ANKRD26: variants seen among roughly 807,000 people sequenced by gnomAD.
ANKRD26 encodes the protein ankyrin repeat domain 26.
A neutral mutation model predicts 208.7 loss-of-function variants in ANKRD26; 141 were observed. The ratio of observed to expected loss-of-function variants is 0.68; its 90% CI spans 0.59 to 0.78. ANKRD26 has a LOEUF of 0.78. Ranked by LOEUF, ANKRD26 falls within the 30% of genes least tolerant of loss-of-function variation. ANKRD26 has a pLI of 0.00. For missense variants in ANKRD26, 1,889 were observed against 1,938.7 expected, an observed-to-expected ratio of 0.97 and a Z score of 0.48; for synonymous variants, 636 against 660.4, an observed-to-expected ratio of 0.96 and a Z score of 0.57.
intron 4 of ANKRD26, among the ~76,000 whole-genome samples, chr10:26,997,786 G>C (rs1462845156): frequency 6.6e-6 from 1 of 152,194 alleles, no homozygotes; most frequent in Non-Finnish European, 1.5e-5. Context: ...AACCGCCACA[G>C]CTGTGGCTTG....
chr10:27,025,811 C>G (rs2053641806), intron 27 of ANKRD26, among the ~76,000 whole-genome samples: 1 of 152,142 alleles, frequency 6.6e-6, no homozygotes, highest in Admixed American at 6.5e-5. Context: ...GATTTCCAGC[C>G]CAGACCTCTT....
downstream of ANKRD26, among the ~76,000 whole-genome samples, chr10:26,987,367 A>T (rs941901293): frequency 1.3e-5 from 2 of 152,242 alleles, no homozygotes; most frequent in Non-Finnish European, 2.9e-5. Context: ...CCAACATGGC[A>T]CATGTATACA....
Position 27,079,165 on chromosome 10 carries a change from T to C in ANKRD26, c.741-4A>G, listed in dbSNP as rs532566778. 25 of 1,611,540 alleles carry C rather than the reference T, an allele frequency of 1.6e-5. 2 individuals are homozygous for C. Among genetic ancestry groups the C allele is most frequent in the Middle Eastern group, 1.6e-4 (1 of 6,080 alleles). ...AACACCCGGTTTGCCAGAAAGCCTTTAGAACAAAAATATAGAAAAATGAGT... is the reference window on the plus strand; with the variant it reads ...AACACCCGGTTTGCCAGAAAGCCTTCAGAACAAAAATATAGAAAAATGAGT... On this transcript the variant is annotated splice_region_variant and splice_polypyrimidine_tract_variant and intron_variant, in intron 6 of 33. Transcript: ENST00000376087.
intron 32 of ANKRD26, 89 bp downstream of exon 32, chr10:27,012,793 C>G (rs2053160388): frequency 7.6e-7 from 1 of 1,319,982 alleles, no homozygotes; most frequent in Non-Finnish European, 1.1e-6. Context: ...GCCTGGACAA[C>G]AGAGTAAAAC....
chr10:27,077,038 A>G, intron 9 of ANKRD26: 1 of 367,782 alleles, frequency 2.7e-6, no homozygotes, highest in Non-Finnish European at 5.0e-6. Flanking sequence ...AGAAAAGGAC[A>G]TAACAAAAAA....
chr10:27,047,713 CTACTACTACTAA>C (rs1476957681), intron 17 of ANKRD26, among the ~76,000 whole-genome samples: 3 of 97,284 alleles, frequency 3.1e-5, no homozygotes, highest in East Asian at 2.6e-4. Flanking sequence ...ACTACTACTA[CTACTACTACTAA>C]TAATAATAAT....
At chr10:26,970,163 T>G (rs114779068), downstream of ANKRD26, among the ~76,000 whole-genome samples, 1 of 152,036 alleles carries the variant, frequency 6.6e-6, no homozygotes, top group African/African-American at 2.4e-5. Flanking sequence ...ACTAGATAAT[T>G]GTAAAGTACA....
downstream of ANKRD26, among the ~76,000 whole-genome samples, chr10:27,001,363 C>T (rs1469403915): frequency 6.6e-6 from 1 of 152,076 alleles, no homozygotes; most frequent in African/African-American, 2.4e-5. Flanking sequence ...TGCGGACACA[C>T]AAGGGGTGAG....
chr10:27,054,332 C>T (rs1220331113), intron 15 of ANKRD26, among the ~76,000 whole-genome samples: 1 of 152,102 alleles, frequency 6.6e-6, no homozygotes, highest in Non-Finnish European at 1.5e-5. Context: ...CATCTGTAAT[C>T]CCAGCACTTT....
At chr10:27,058,399 G>A (rs1564398663) in intron 15 of ANKRD26, among the ~76,000 whole-genome samples, 1 of 152,164 alleles carries the variant, frequency 6.6e-6, no homozygotes, top group Non-Finnish European at 1.5e-5. Context: ...AACATCATAA[G>A]CTAATGGTTC....
chr10:27,070,038 T>C lies in ANKRD26; in HGVS notation c.1078-2752A>G, dbSNP rs913326889. 3.3e-5 allele frequency among the ~76,000 whole-genome samples: 5 copies of C among 149,660 alleles called. No homozygotes were observed. The East Asian group carries it at 9.9e-4, about 30-fold the overall frequency. Reference sequence around the variant, plus strand: ...AAGCTGAAGCCAGACCCAGAAGATTTAAGCTTCAGTGAGCCTTGATCATGC... The same window carrying C: ...AAGCTGAAGCCAGACCCAGAAGATTCAAGCTTCAGTGAGCCTTGATCATGC... On this transcript the variant is annotated intron_variant, in intron 9 of 33. Transcript: ENST00000376087.
chr10:27,014,568 G>A lies in ANKRD26; in HGVS notation c.4650C>T (p.Thr1550=), dbSNP rs377587261. The A allele has an allele frequency of 1.1e-5, 17 of 1,606,168 alleles. No homozygotes were observed. The highest frequency in any genetic ancestry group is 8.1e-5 in the African/African-American group (6 of 74,480). Residue 1550 remains threonine, a synonymous_variant, in exon 31 of 34, where the codon ACC becomes ACT. Coordinates refer to ENST00000376087, the MANE Select transcript of ANKRD26 (RefSeq NM_014915.3). ...AGAGTTGCTTATATTTTTCCAGTTC[G>A]GTTTTATTAAAGTCTTCTTGAGAAG... ...IKTSQEDFNK[T]ELEKYKQLYL... is the part of the protein sequence containing the mutation.
intron 21 of ANKRD26, 115 bp from the exon 22 acceptor site, chr10:27,038,169 G>T: frequency 2.3e-6 from 2 of 865,518 alleles, no homozygotes; most frequent in Non-Finnish European, 3.5e-6. Flanking sequence ...CTATGTTCTT[G>T]AATATTTTTC....
At position 26,977,689 on chromosome 10, in the gene ANKRD26, C is replaced by A. The variant is rs546377747; in HGVS notation, c.*282-1647G>T. ...GCTAAATTGAGACAGAGACACAAGT[C>A]CATTTTGGTCCTCTCATTAAGCACC... is the stretch of plus-strand genomic sequence containing the variant. On this transcript the variant is annotated intron_variant and NMD_transcript_variant, in intron 5 of 5. Transcript: ENST00000674670. Among the ~76,000 whole-genome samples, 3 of 152,294 alleles carry A rather than the reference C, an allele frequency of 2.0e-5. No individual in the cohort carries two copies. The East Asian group carries it at 5.8e-4, about 29-fold the overall frequency.
chr10:27,012,578 G>C (rs1340770582), intron 32 of ANKRD26, among the ~76,000 whole-genome samples: 2 of 152,064 alleles, frequency 1.3e-5, no homozygotes, highest in Non-Finnish European at 2.9e-5. Flanking sequence ...ACTTCGGGAG[G>C]GTGAGGCAGG....
At chr10:27,085,999 T>C (rs2056102015) in intron 5 of ANKRD26, among the ~76,000 whole-genome samples, 1 of 115,778 alleles carries the variant, frequency 8.6e-6, no homozygotes, top group Admixed American at 8.9e-5. Context: ...TAATTGACTA[T>C]TTATATTATC....
rs143697133 is a variant in ANKRD26, at chr10:27,019,900, G to A, written c.4216-2108C>T. Among the ~76,000 whole-genome samples the A allele has an allele frequency of 3.8e-3, 571 of 152,216 alleles. 4 individuals carry two copies. The highest frequency in any genetic ancestry group is 6.8e-3 in the Middle Eastern group (2 of 294). On this transcript the variant is annotated intron_variant, in intron 29 of 33. Coordinates refer to ENST00000376087, the MANE Select transcript of ANKRD26 (RefSeq NM_014915.3). ...GGAATCTGTGGTTTGGGAAAATCTC[G>A]GCCAGGACAGCTTGTCTCTGTTCCC...
At chr10:27,069,606 G>A (rs184674545) in intron 9 of ANKRD26, among the ~76,000 whole-genome samples, 73 of 152,194 alleles carry the variant, frequency 4.8e-4, no homozygotes, top group African/African-American at 1.7e-3. Context: ...ACTGGACCCC[G>A]CCTACCCAGG....
the ANKRD26 span, among the ~76,000 whole-genome samples, chr10:26,968,165 T>TA: frequency 6.6e-6 from 1 of 152,170 alleles, no homozygotes; most frequent in Non-Finnish European, 1.5e-5. Context: ...CCTCAAGAGA[T>TA]ATTGTACTCT....
Sources: gnomAD v4.1 joint callset for allele counts (sites outside exome capture counted in the v4.1 genomes callset) on GRCh38, gnomAD v4.1.1 for gene constraint, MANE v1.5 for transcripts, NCBI Gene and HGNC (gene_info 2026-07-23, HGNC 2026-07-21) for gene names.